FAM193A: variants seen among roughly 807,000 people sequenced by gnomAD.
FAM193A encodes the protein family with sequence similarity 193 member A.
In FAM193A, 22 loss-of-function variants were observed where a neutral mutation model predicts 126.5. That is an observed-to-expected ratio of 0.17 (90% CI 0.12 to 0.25). The LOEUF (loss-of-function observed/expected upper bound fraction) is 0.25, where lower values mean the gene tolerates loss of function less well. Ranked by LOEUF, FAM193A falls within the 10% of genes least tolerant of loss-of-function variation. The probability of loss-of-function intolerance (pLI) is 1.00; values close to 1 mark genes in which losing one functional copy is unlikely to be tolerated. For synonymous variants in FAM193A, 761 were observed against 646.8 expected, an observed-to-expected ratio of 1.18 and a Z score of -2.68; for missense variants, 1,675 against 1,672.8, an observed-to-expected ratio of 1.00 and a Z score of -0.02.
chr4:2,574,017 G>T (rs1231785933), intron 1 of FAM193A, among the ~76,000 whole-genome samples: 1 of 152,174 alleles, frequency 6.6e-6, no homozygotes, highest in Non-Finnish European at 1.5e-5. Flanking sequence ...AAATATGAAA[G>T]ATTTTTATTC....
At chr4:2,697,097 G>A (rs1262701229) in intron 18 of FAM193A, among the ~76,000 whole-genome samples, 2 of 152,146 alleles carry the variant, frequency 1.3e-5, no homozygotes, top group African/African-American at 2.4e-5. Context: ...CCAGCACATG[G>A]CATTGATTAG....
chr4:2,670,327 T>A (rs1045999008), intron 12 of FAM193A, among the ~76,000 whole-genome samples: 2 of 152,204 alleles, frequency 1.3e-5, no homozygotes, highest in Admixed American at 1.3e-4. Flanking sequence ...ATGTTGAATC[T>A]TTATTTTCAT....
At chr4:2,704,285 G>C (rs1384370680) in intron 19 of FAM193A, among the ~76,000 whole-genome samples, 6 of 150,212 alleles carry the variant, frequency 4.0e-5, no homozygotes. Context: ...AAAAATTAAG[G>C]CTGGGCATGG....
intron 5 of FAM193A, among the ~76,000 whole-genome samples, chr4:2,633,786 G>T (rs1484219330): frequency 6.6e-6 from 1 of 152,124 alleles, no homozygotes; most frequent in Non-Finnish European, 1.5e-5. Context: ...CCAGCTACTT[G>T]GGAGGCTGAG....
intron 6 of FAM193A, among the ~76,000 whole-genome samples, chr4:2,641,309 A>C (rs1346714726): frequency 6.6e-6 from 1 of 151,722 alleles, no homozygotes; most frequent in Non-Finnish European, 1.5e-5. Context: ...AGCCTCCCAA[A>C]GTGCTAGGAT....
chr4:2,642,756 A>G (rs564011099), intron 6 of FAM193A, among the ~76,000 whole-genome samples: 10 of 145,450 alleles, frequency 6.9e-5, no homozygotes, highest in African/African-American at 2.6e-4. Context: ...TTTTGGAGAC[A>G]GAGTCTTGTT....
intron 12 of FAM193A, among the ~76,000 whole-genome samples, chr4:2,668,395 G>A (rs1713385928): frequency 6.6e-6 from 1 of 151,868 alleles, no homozygotes; most frequent in African/African-American, 2.4e-5. Flanking sequence ...TGTATTTTTA[G>A]TAGAGACAAT....
intron 2 of FAM193A, among the ~76,000 whole-genome samples, chr4:2,619,617 C>T (rs1208240167): frequency 1.3e-5 from 2 of 152,122 alleles, no homozygotes; most frequent in Non-Finnish European, 1.5e-5. Flanking sequence ...GTCCCGCCCG[C>T]CTCTGCCTCC....
intron 20 of FAM193A, among the ~76,000 whole-genome samples, chr4:2,728,895 A>G (rs1274854648): frequency 9.5e-6 from 1 of 105,710 alleles, no homozygotes; most frequent in Non-Finnish European, 1.8e-5. Flanking sequence ...CACCTCCAAA[A>G]CTTTTTTTTT....
intron 1 of FAM193A, among the ~76,000 whole-genome samples, chr4:2,557,320 A>G (rs1738321316): frequency 6.6e-6 from 1 of 152,172 alleles, no homozygotes; most frequent in Non-Finnish European, 1.5e-5. Context: ...ATGAGGGCAT[A>G]CTATTGAGCC....
chr4:2,566,027 A>G (rs909262974), intron 1 of FAM193A, among the ~76,000 whole-genome samples: 22 of 152,012 alleles, frequency 1.4e-4, no homozygotes, highest in African/African-American at 5.3e-4. Context: ...TAAAGGTGAC[A>G]TTTTAACAAT....
chr4:2,537,790 G>T (rs779855074), intron 1 of FAM193A, among the ~76,000 whole-genome samples: 7 of 152,202 alleles, frequency 4.6e-5, no homozygotes, highest in Non-Finnish European at 8.8e-5. Flanking sequence ...GGCAGCCCTG[G>T]CCCCTCCTCC....
At chr4:2,589,025 T>C (rs905487900) in intron 1 of FAM193A, among the ~76,000 whole-genome samples, 3 of 152,224 alleles carry the variant, frequency 2.0e-5, no homozygotes, top group Non-Finnish European at 2.9e-5. Flanking sequence ...ATATTTGTGC[T>C]GTCCCATGAC....
chr4:2,695,157 A>C, intron 17 of FAM193A, 28 bp downstream of exon 17: 1 of 1,538,330 alleles, frequency 6.5e-7, no homozygotes, highest in Non-Finnish European at 8.7e-7. Context: ...GCGCATCATG[A>C]TGTGGGAAGT....
intron 7 of FAM193A, among the ~76,000 whole-genome samples, chr4:2,648,460 G>A (rs1408045553): frequency 6.6e-6 from 1 of 152,160 alleles, no homozygotes; most frequent in African/African-American, 2.4e-5. Context: ...CTTCAAAGTG[G>A]GTGTATTCCT....
intron 1 of FAM193A, among the ~76,000 whole-genome samples, chr4:2,569,480 A>G (rs1043540111): frequency 1.3e-5 from 2 of 152,122 alleles, no homozygotes; most frequent in African/African-American, 2.4e-5. Flanking sequence ...GTTTGGTGCT[A>G]TTTGCCATTT....
At position 2,696,422 on chromosome 4, in the gene FAM193A, G is replaced by C. The variant is rs376642932; in HGVS notation, c.3336G>C (p.Arg1112=). Residue 1112 remains arginine (R), a synonymous_variant, in exon 18 of 21, where the codon CGG becomes CGC. Transcript: ENST00000637812. The stretch of plus-strand genomic sequence containing the variant: ...AAATGAGGGAAAAGCTTCGCTTACG[G>C]CTGACCAAGAGGAAAGAGGAGCAAC... ...YAEMREKLRL[R]LTKRKEEQPK... is the part of the protein sequence containing the mutation. The C allele has an allele frequency of 2.5e-6, 4 of 1,614,086 alleles. No individual in the cohort carries two copies. The African/African-American group carries it at 4.0e-5, about 16-fold the overall frequency.
At chr4:2,591,599 C>T (rs1471850927) in intron 1 of FAM193A, among the ~76,000 whole-genome samples, 1 of 152,056 alleles carries the variant, frequency 6.6e-6, no homozygotes, top group Admixed American at 6.6e-5. Context: ...GAGGATATTG[C>T]TTTTACTGTG....
chr4:2,626,009 C>T (rs942526965), intron 3 of FAM193A, among the ~76,000 whole-genome samples: 1 of 152,144 alleles, frequency 6.6e-6, no homozygotes, highest in South Asian at 2.1e-4. Context: ...CAGGCATGAG[C>T]CACCATGCCC....
Sources: allele counts gnomAD v4.1 joint callset (sites outside exome capture counted in the v4.1 genomes callset), GRCh38; gene constraint gnomAD v4.1.1; transcripts MANE v1.5; gene names NCBI Gene and HGNC (gene_info 2026-07-23, HGNC 2026-07-21).